Variants in LOXHD1 observed in about 807,000 individuals in gnomAD.
LOXHD1 encodes lipoxygenase homology domain-containing protein 1.
LOXHD1 carries 205 observed loss-of-function variants against 248.2 expected under a neutral mutation model. The ratio of observed to expected loss-of-function variants is 0.83; its 90% CI spans 0.74 to 0.93. The LOEUF (loss-of-function observed/expected upper bound fraction) is 0.93, where lower values mean the gene tolerates loss of function less well. Ranked by LOEUF, LOXHD1 falls within the 40% of genes least tolerant of loss-of-function variation. The pLI, the probability that LOXHD1 is intolerant of heterozygous loss-of-function variation, is 0.00. For missense variants in LOXHD1, 2,930 were observed against 2,971.6 expected (o/e 0.99, Z 0.33); for synonymous variants, 1,113 against 1,162.8 (o/e 0.96, Z 0.87).
At chr18:46,597,937 T>C (rs2144265417) in intron 8 of LOXHD1, among the ~76,000 whole-genome samples, 1 of 151,476 alleles carries the variant, frequency 6.6e-6, no homozygotes, top group East Asian at 1.9e-4. Context: ...GCATTTTTTT[T>C]TTTTTTTTTT....
chr18:46,650,559 T>C (rs1384826013), intron 1 of LOXHD1, among the ~76,000 whole-genome samples: 1 of 152,174 alleles, frequency 6.6e-6, no homozygotes, highest in Non-Finnish European at 1.5e-5. Context: ...TCAGAGCAGA[T>C]CCCCAACCAG....
At chr18:46,643,147 C>T (rs570142463) in intron 2 of LOXHD1, among the ~76,000 whole-genome samples, 3 of 152,128 alleles carry the variant, frequency 2.0e-5, no homozygotes, top group African/African-American at 7.2e-5. Flanking sequence ...AAACAATCTG[C>T]CCTAGGAAGA....
At chr18:46,554,120 G>A (rs1464524266) in intron 21 of LOXHD1, among the ~76,000 whole-genome samples, 1 of 152,212 alleles carries the variant, frequency 6.6e-6, no homozygotes, top group African/African-American at 2.4e-5. Flanking sequence ...TAGGCAATAG[G>A]AGGGCCTTGG....
intron 37 of LOXHD1, among the ~76,000 whole-genome samples, chr18:46,494,441 C>T (rs1187100884): frequency 6.6e-6 from 1 of 152,174 alleles, no homozygotes; most frequent in Non-Finnish European, 1.5e-5. Flanking sequence ...CTTTGGCAAG[C>T]TAAGGATTCA....
At chr18:46,634,371 C>CT (rs2038865816) in intron 4 of LOXHD1, among the ~76,000 whole-genome samples, 2 of 152,150 alleles carry the variant, frequency 1.3e-5, no homozygotes, top group African/African-American at 4.8e-5. Context: ...TTGGGTATCC[C>CT]TAACACAGAA....
At chr18:46,551,152 G>T (rs1238397199) in intron 21 of LOXHD1, among the ~76,000 whole-genome samples, 1 of 150,644 alleles carries the variant, frequency 6.6e-6, no homozygotes, top group Non-Finnish European at 1.5e-5. Context: ...TCCCAGACTG[G>T]AGTGCAGTGG....
chr18:46,577,422 G>A (rs943755228), intron 14 of LOXHD1, among the ~76,000 whole-genome samples: 1 of 152,138 alleles, frequency 6.6e-6, no homozygotes, highest in Non-Finnish European at 1.5e-5. Flanking sequence ...TTCAGGAATT[G>A]CCAAATTTTA....
chr18:46,534,526 C>T, intron 26 of LOXHD1, 75 bp from the exon 27 acceptor site: 2 of 1,100,358 alleles, frequency 1.8e-6, no homozygotes, highest in Non-Finnish European at 2.7e-6. Context: ...CATCCTGCTT[C>T]CCCAGGGCAT....
intron 38 of LOXHD1, among the ~76,000 whole-genome samples, chr18:46,487,780 GGAGA>G (rs1396915338): frequency 6.6e-6 from 1 of 152,214 alleles, no homozygotes; most frequent in African/African-American, 2.4e-5. Flanking sequence ...AGAGTTGAGA[GGAGA>G]AGAGAGAAAG....
At chr18:46,598,295 A>T (rs1161019799) in intron 8 of LOXHD1, among the ~76,000 whole-genome samples, 1 of 152,136 alleles carries the variant, frequency 6.6e-6, no homozygotes, top group Non-Finnish European at 1.5e-5. Flanking sequence ...TTACAATATA[A>T]AAGTAGAAGG....
chr18:46,646,788 T>C (rs1369470408), intron 2 of LOXHD1, among the ~76,000 whole-genome samples: 1 of 152,248 alleles, frequency 6.6e-6, no homozygotes, highest in East Asian at 1.9e-4. Context: ...CCAGATTAAG[T>C]GTCTGTCCCT....
In LOXHD1 at chr18:46,480,652, G is replaced by T. The variant is rs567124632; in HGVS notation, c.6342-2700C>A. On this transcript the variant is annotated intron_variant, in intron 40 of 40. Coordinates refer to ENST00000642948, the MANE Select transcript of LOXHD1 (RefSeq NM_001384474.1). ...CTGCTCCTGCTAGAAAGGGGGGAAG[G>T]TGTCCAGCCAGAGTAAAGGCAAAAG... is the stretch of plus-strand genomic sequence containing the variant. 2.6e-5 allele frequency among the ~76,000 whole-genome samples: 4 copies of T among 152,266 alleles called. No homozygotes were observed. In the East Asian group the frequency reaches 7.7e-4, roughly 29 times the overall value.
intron 25 of LOXHD1, among the ~76,000 whole-genome samples, chr18:46,538,846 G>C (rs11082533): frequency 0.24 from 36,045 of 152,040 alleles, 4,417 homozygotes; most frequent in South Asian, 0.31. Context: ...ACTCTTCTCC[G>C]TATCCCCTGC....
intron 19 of LOXHD1, 139 bp downstream of exon 19, chr18:46,559,944 C>T: frequency 1.2e-6 from 1 of 865,858 alleles, no homozygotes; most frequent in Non-Finnish European, 1.8e-6. Flanking sequence ...GTCAAGAGAG[C>T]TATTTGGGAA....
intron 29 of LOXHD1, 80 bp from the exon 30 acceptor site, chr18:46,524,997 T>C: frequency 1.4e-6 from 2 of 1,467,558 alleles, no homozygotes; most frequent in Non-Finnish European, 1.9e-6. Flanking sequence ...TCTGGGACCT[T>C]CCTTCCCCCT....
chr18:46,491,063 A>G (rs2033437864), intron 37 of LOXHD1, among the ~76,000 whole-genome samples: 2 of 152,254 alleles, frequency 1.3e-5, no homozygotes, highest in Non-Finnish European at 2.9e-5. Context: ...ACAGGTAAAG[A>G]GGAAGGCAGA....
intron 28 of LOXHD1, among the ~76,000 whole-genome samples, chr18:46,531,411 C>T: frequency 6.6e-6 from 1 of 152,180 alleles, no homozygotes. Context: ...GGTCTCCCCC[C>T]TCATTTTCCC....
At chr18:46,509,938 C>G in intron 34 of LOXHD1, 123 bp from the exon 35 acceptor site, 1 of 704,936 alleles carries the variant, frequency 1.4e-6, no homozygotes, top group Non-Finnish European at 2.5e-6. Context: ...AGCAGCCCCT[C>G]TGCTCTCAGC....
Position 46,560,443 on chromosome 18 carries a change from G to C in LOXHD1, c.2701C>G (p.Leu901Val), listed in dbSNP as rs1264271731. The change falls in exon 19 of 41, where the codon CTG (leucine) becomes GTG (valine). Residue 901 changes from leucine (L) to valine (V), a missense_variant. Transcript: ENST00000642948. ...WFVDTVWLRH[L>V]VVREVDLTPE... ...GTGAGGTCCACCTCCCGCACCACCA[G>C]GTGCCGCAGCCACACGGTGTCCACG... 2 of 1,544,498 alleles carry C rather than the reference G, an allele frequency of 1.3e-6. No homozygotes were observed. The highest frequency in any genetic ancestry group is 2.4e-5 in the East Asian group (1 of 40,906).
Sources: gnomAD v4.1 joint callset for allele counts (sites outside exome capture counted in the v4.1 genomes callset) on GRCh38, gnomAD v4.1.1 for gene constraint, MANE v1.5 for transcripts, NCBI Gene and HGNC (gene_info 2026-07-23, HGNC 2026-07-21) for gene names.